The following METTL15 variants were observed in gnomAD, a reference collection of about 807,000 sequenced individuals.
METTL15 encodes the protein 12S rRNA N(4)-cytidine methyltransferase METTL15.
METTL15 carries 34 observed loss-of-function variants against 38.3 expected under a neutral mutation model. The observed-to-expected ratio is 0.89, with a 90% CI of 0.68 to 1.18. The LOEUF (loss-of-function observed/expected upper bound fraction) is 1.18. Among genes scored for constraint, METTL15 ranks in the 50% most tolerant of loss-of-function variants. The pLI, the probability that METTL15 is intolerant of heterozygous loss-of-function variation, is 0.00. For missense variants in METTL15, 438 were observed against 498.4 expected (o/e 0.88, Z 1.15); for synonymous variants, 162 against 170.9 (o/e 0.95, Z 0.41).
At chr11:28,265,975 A>G (rs1017746656) in intron 4 of METTL15, among the ~76,000 whole-genome samples, 5 of 152,112 alleles carry the variant, frequency 3.3e-5, no homozygotes, top group Non-Finnish European at 5.9e-5. Context: ...CCAGCCCACA[A>G]CAGGCCACAG....
At chr11:28,198,764 G>C (rs1851999409) in intron 3 of METTL15, among the ~76,000 whole-genome samples, 1 of 152,198 alleles carries the variant, frequency 6.6e-6, no homozygotes, top group Non-Finnish European at 1.5e-5. Context: ...TATAAGGTTG[G>C]ACTTCTGTGT....
At chr11:28,411,259 G>A (rs1001372809) in intron 5 of METTL15, among the ~76,000 whole-genome samples, 2 of 151,846 alleles carry the variant, frequency 1.3e-5, no homozygotes, top group East Asian at 1.9e-4. Flanking sequence ...AAATTCATAT[G>A]GGACTACAAA....
At chr11:28,294,157 G>T (rs1175976250) in intron 5 of METTL15, among the ~76,000 whole-genome samples, 1 of 152,172 alleles carries the variant, frequency 6.6e-6, no homozygotes, top group Non-Finnish European at 1.5e-5. Context: ...AATGCTTCCA[G>T]GTTTGCCCAT....
intron 5 of METTL15, among the ~76,000 whole-genome samples, chr11:28,291,050 C>CT (rs1313497959): frequency 0.37 from 49,502 of 133,598 alleles, 10,438 homozygotes; most frequent in African/African-American, 0.57. Context: ...TAATTCTTTT[C>CT]TTTTTTTTTT....
chr11:28,389,774 A>G (rs1361511262), intron 5 of METTL15, among the ~76,000 whole-genome samples: 2 of 151,546 alleles, frequency 1.3e-5, no homozygotes, highest in African/African-American at 4.8e-5. Flanking sequence ...GTCAAATGGT[A>G]TTTCTAGTTC....
At chr11:28,157,664 A>G (rs1288503465) in intron 3 of METTL15, among the ~76,000 whole-genome samples, 1 of 152,166 alleles carries the variant, frequency 6.6e-6, no homozygotes, top group Non-Finnish European at 1.5e-5. Context: ...GGTCATGCAC[A>G]GGAGCATTCC....
chr11:28,288,446 A>ATG (rs1201711167), intron 4 of METTL15, among the ~76,000 whole-genome samples: 1 of 152,152 alleles, frequency 6.6e-6, no homozygotes, highest in African/African-American at 2.4e-5. Flanking sequence ...GGATAAAGAA[A>ATG]TGTGGTACAT....
In METTL15 at chr11:28,304,445, G is replaced by T. The variant is rs564098965; in HGVS notation, c.778+7514G>T. The stretch of plus-strand genomic sequence containing the variant: ...TGATAAGATAAAATTTATGCCAGGC[G>T]CAGTGGCTCACTCTATACTGCAAGC... On this transcript the variant is annotated intron_variant, in intron 6 of 6. Transcript: ENST00000407364. Among the ~76,000 whole-genome samples the T allele has an allele frequency of 5.9e-5, 9 of 152,204 alleles. No individual in the cohort carries two copies. The South Asian group carries it at 1.9e-3, about 32-fold the overall frequency.
rs531126549 is a variant in METTL15, at chr11:28,305,847, T to TAAA, written c.778+8917_778+8918insAAA. On this transcript the variant is annotated intron_variant, in intron 6 of 6. Coordinates refer to ENST00000407364, the MANE Select transcript of METTL15 (RefSeq NM_001113528.2). ...AAGGAGACCTTTGAGTTAGGCCTTT[T>TAAA]AGGGGCAGAAGTGATGCCTATTTAT... Among the ~76,000 whole-genome samples, 10 of 152,192 alleles carry TAAA rather than the reference T, an allele frequency of 6.6e-5. No individual in the cohort carries two copies. The East Asian group carries it at 1.9e-3, about 29-fold the overall frequency.
chr11:28,231,569 C>A (rs868505040), intron 4 of METTL15, among the ~76,000 whole-genome samples: 22 of 151,682 alleles, frequency 1.5e-4, no homozygotes, highest in South Asian at 2.1e-4. Context: ...GAGGATATGG[C>A]CTTTCTTTTC....
intron 6 of METTL15, among the ~76,000 whole-genome samples, chr11:28,297,957 A>G: frequency 6.6e-6 from 1 of 152,082 alleles, no homozygotes; most frequent in East Asian, 1.9e-4. Flanking sequence ...GAGATCACAT[A>G]GCAATTGTTT....
chr11:28,478,297 A>T (rs544240922), intron 6 of METTL15, among the ~76,000 whole-genome samples: 33 of 152,180 alleles, frequency 2.2e-4, no homozygotes, highest in Admixed American at 9.8e-4. Flanking sequence ...CTCTGTTTAT[A>T]TCCTAAAGCT....
chr11:28,299,943 G>A (rs1297297246), intron 6 of METTL15, among the ~76,000 whole-genome samples: 3 of 151,950 alleles, frequency 2.0e-5, no homozygotes, highest in Non-Finnish European at 4.4e-5. Flanking sequence ...TTCTCCCTGG[G>A]CATCTGTCTT....
At chr11:28,378,734 T>C (rs1167467452) in intron 5 of METTL15, among the ~76,000 whole-genome samples, 1 of 150,470 alleles carries the variant, frequency 6.6e-6, no homozygotes, top group African/African-American at 2.4e-5. Flanking sequence ...TGTCTTAGAA[T>C]GGGTTTGAAG....
At chr11:28,453,359 C>T (rs1329348022) in intron 6 of METTL15, among the ~76,000 whole-genome samples, 2 of 152,164 alleles carry the variant, frequency 1.3e-5, no homozygotes, top group Non-Finnish European at 2.9e-5. Flanking sequence ...ATAAAGAGAC[C>T]ACACTTCAGA....
chr11:28,256,159 G>A (rs1037092065), intron 4 of METTL15, among the ~76,000 whole-genome samples: 5 of 152,118 alleles, frequency 3.3e-5, no homozygotes, highest in Admixed American at 6.6e-5. Context: ...GCCTGTAGTC[G>A]GTTTTGATGT....
At chr11:28,523,919 G>T (rs1851787619) in intron 6 of METTL15, among the ~76,000 whole-genome samples, 1 of 152,198 alleles carries the variant, frequency 6.6e-6, no homozygotes, top group African/African-American at 2.4e-5. Flanking sequence ...TGACTAAGGT[G>T]GGGTGGTGCT....
chr11:28,442,777 C>T (rs1408257880), intron 6 of METTL15, among the ~76,000 whole-genome samples: 2 of 151,996 alleles, frequency 1.3e-5, no homozygotes, highest in Non-Finnish European at 2.9e-5. Flanking sequence ...CGTTGGTTTT[C>T]GGTTGAGGGA....
At chr11:28,340,667 A>G (rs1849943482) in intron 3 of METTL15, among the ~76,000 whole-genome samples, 2 of 152,186 alleles carry the variant, frequency 1.3e-5, no homozygotes, top group African/African-American at 2.4e-5. Context: ...AAAAGTCAGG[A>G]AACAACAGAT....
Sources: gnomAD v4.1 joint callset for allele counts (sites outside exome capture counted in the v4.1 genomes callset) on GRCh38, gnomAD v4.1.1 for gene constraint, MANE v1.5 for transcripts, NCBI Gene and HGNC (gene_info 2026-07-23, HGNC 2026-07-21) for gene names.